Variants in CYB5A observed in about 807,000 individuals in gnomAD.
CYB5A encodes the protein cytochrome b5.
A neutral mutation model predicts 16.2 loss-of-function variants in CYB5A; 10 were observed. The ratio of observed to expected loss-of-function variants is 0.62; its 90% CI spans 0.38 to 1.04. CYB5A has a LOEUF of 1.04. Ranked by LOEUF, CYB5A falls within the 50% of genes least tolerant of loss-of-function variation. The pLI, the probability that CYB5A is intolerant of heterozygous loss-of-function variation, is 0.01. For missense variants in CYB5A, 161 were observed against 165.9 expected, an observed-to-expected ratio of 0.97 and a Z score of 0.16; for synonymous variants, 62 against 57.0, an observed-to-expected ratio of 1.09 and a Z score of -0.40.
chr18:74,283,793 G>A (rs1983210201), intron 1 of CYB5A, among the ~76,000 whole-genome samples: 1 of 152,164 alleles, frequency 6.6e-6, no homozygotes, highest in Non-Finnish European at 1.5e-5. Context: ...GGGTCGCAGC[G>A]CCCGCAGCCT....
intron 1 of CYB5A, among the ~76,000 whole-genome samples, chr18:74,288,364 C>T (rs562597482): frequency 5.1e-4 from 74 of 146,174 alleles, no homozygotes; most frequent in South Asian, 1.9e-3. Context: ...CCTGTCCATA[C>T]GGATGGGGGA....
chr18:74,253,809 C>A, intron 4 of CYB5A, 144 bp from the exon 5 acceptor site: 1 of 660,482 alleles, frequency 1.5e-6, no homozygotes, highest in South Asian at 1.5e-5. Flanking sequence ...CGTGGATTTG[C>A]TAAAAGTGAC....
At chr18:74,285,451 C>T (rs1983281103) in intron 1 of CYB5A, among the ~76,000 whole-genome samples, 2 of 152,198 alleles carry the variant, frequency 1.3e-5, no homozygotes, top group African/African-American at 4.8e-5. Context: ...CATACATTTC[C>T]CTTTTTAACA....
rs1341495559 is a variant in CYB5A at position 74,252,102 on chromosome 18, C to T, written c.*1482G>A. On this transcript the variant is annotated 3_prime_UTR_variant, in exon 5 of 5. Transcript: ENST00000340533. ...TTTTGAAATAGAAACTACTTGTCAA[C>T]TTTCAGTGACTAAAGAAGGCAAAGG... 6.6e-6 allele frequency: 1 copy of T among 152,212 alleles called. No homozygotes were observed. The highest frequency in any genetic ancestry group is 1.5e-5 in the Non-Finnish European group (1 of 68,038). The allele number at this position is 152,212 out of a possible 1,614,324, so 9.4% of individuals were successfully genotyped here.
chr18:74,263,262 T>C (rs536950300), intron 2 of CYB5A, 87 bp downstream of exon 2: 565 of 1,560,018 alleles, frequency 3.6e-4, no homozygotes, highest in South Asian at 5.5e-4. Flanking sequence ...CCTTTTAAAA[T>C]GTGTATACAT....
Sources: gnomAD v4.1 joint callset for allele counts (sites outside exome capture counted in the v4.1 genomes callset) on GRCh38, gnomAD v4.1.1 for gene constraint, MANE v1.5 for transcripts, NCBI Gene and HGNC (gene_info 2026-07-23, HGNC 2026-07-21) for gene names.